Variants in WWOX observed in about 807,000 individuals in gnomAD.
The protein encoded by WWOX is WW domain containing oxidoreductase.
In WWOX, 69 loss-of-function variants were observed where a neutral mutation model predicts 46.2. The ratio of observed to expected loss-of-function variants is 1.49; its 90% CI spans 1.23 to 1.82. The LOEUF is 1.82. Ranked by LOEUF, WWOX falls within the 40% of genes most tolerant of loss-of-function variation. The pLI, the probability that WWOX is intolerant of heterozygous loss-of-function variation, is 0.00. For synonymous variants in WWOX, 359 were observed against 202.6 expected, an observed-to-expected ratio of 1.77 and a Z score of -6.56; for missense variants, 919 against 542.6, an observed-to-expected ratio of 1.69 and a Z score of -6.89.
chr16:78,909,786 G>C (rs1222764554), intron 8 of WWOX, among the ~76,000 whole-genome samples: 1 of 152,210 alleles, frequency 6.6e-6, no homozygotes. Flanking sequence ...TCCAAATGTA[G>C]AGGGTCAGGA....
intron 8 of WWOX, among the ~76,000 whole-genome samples, chr16:78,630,783 A>T (rs1400762643): frequency 6.6e-6 from 1 of 152,162 alleles, no homozygotes; most frequent in Non-Finnish European, 1.5e-5. Flanking sequence ...AGTGCCTGAC[A>T]CAGTTGTATT....
chr16:79,057,274 A>T (rs1444420625), intron 8 of WWOX, among the ~76,000 whole-genome samples: 1 of 152,202 alleles, frequency 6.6e-6, no homozygotes, highest in African/African-American at 2.4e-5. Context: ...TGTTTATTCC[A>T]GCTGATTCTC....
rs866192265 is a variant in WWOX, at chr16:79,161,319, C to T, written c.1057-50289C>T. ...TCACCTCCTAAGCCTCAGCTTATCT[C>T]TAGGATGGACGTCATTGTACTCCCT... On this transcript the variant is annotated intron_variant, in intron 8 of 8. Coordinates refer to ENST00000566780, the MANE Select transcript of WWOX (RefSeq NM_016373.4). Among the ~76,000 whole-genome samples, 10 of 152,234 alleles carry T rather than the reference C, an allele frequency of 6.6e-5. No homozygotes were observed. In the Middle Eastern group the frequency reaches 0.01, roughly 155 times the overall value.
intron 5 of WWOX, among the ~76,000 whole-genome samples, chr16:78,210,360 C>T (rs982423187): frequency 6.6e-6 from 1 of 152,194 alleles, no homozygotes; most frequent in African/African-American, 2.4e-5. Flanking sequence ...CATCATGAGA[C>T]TGTCAGTTTG....
intron 8 of WWOX, among the ~76,000 whole-genome samples, chr16:78,697,652 C>A (rs942842352): frequency 2.0e-5 from 3 of 152,136 alleles, no homozygotes; most frequent in African/African-American, 7.2e-5. Flanking sequence ...TGAAAAAATG[C>A]TCAACATCAC....
intron 8 of WWOX, among the ~76,000 whole-genome samples, chr16:78,492,045 G>T (rs2084796726): frequency 6.6e-6 from 1 of 152,108 alleles, no homozygotes; most frequent in African/African-American, 2.4e-5. Flanking sequence ...GGGGTGTGGG[G>T]GTGTGCTTTG....
chr16:78,766,757 A>C (rs546075955), intron 8 of WWOX, among the ~76,000 whole-genome samples: 31 of 152,348 alleles, frequency 2.0e-4, no homozygotes, highest in Non-Finnish European at 4.3e-4. Context: ...TTTAATGTTC[A>C]GGTTTTGTGA....
intron 8 of WWOX, among the ~76,000 whole-genome samples, chr16:78,560,367 G>C (rs1475810806): frequency 6.6e-6 from 1 of 152,206 alleles, no homozygotes; most frequent in African/African-American, 2.4e-5. Flanking sequence ...TAGTGGCCAG[G>C]TGCGGTGGCT....
At chr16:78,731,693 T>G (rs987792131) in intron 8 of WWOX, among the ~76,000 whole-genome samples, 1 of 152,148 alleles carries the variant, frequency 6.6e-6, no homozygotes, top group Non-Finnish European at 1.5e-5. Context: ...ATGATCATTA[T>G]TGACTGGAAA....
chr16:78,916,037 C>A (rs544191881), intron 8 of WWOX, among the ~76,000 whole-genome samples: 1 of 152,160 alleles, frequency 6.6e-6, no homozygotes, highest in African/African-American at 2.4e-5. Flanking sequence ...GAATTTGGAA[C>A]CATTGTCTTC....
At chr16:78,142,110 A>G (rs1321073835) in intron 4 of WWOX, among the ~76,000 whole-genome samples, 1 of 152,048 alleles carries the variant, frequency 6.6e-6, no homozygotes, top group South Asian at 2.1e-4. Context: ...TTGGTAGTCA[A>G]TAAATATAAT....
chr16:78,877,365 C>G (rs944949977), intron 8 of WWOX, among the ~76,000 whole-genome samples: 5 of 151,900 alleles, frequency 3.3e-5, no homozygotes, highest in African/African-American at 1.2e-4. Context: ...CTCAGACATG[C>G]CAGGTGTGTT....
In WWOX at chr16:78,114,956, C is replaced by G. The variant is rs768620458; in HGVS notation, c.231-20C>G. The G allele has an allele frequency of 8.7e-6, 14 of 1,613,998 alleles. No individual in the cohort carries two copies. Among genetic ancestry groups the G allele is most frequent in the Non-Finnish European group, 1.1e-5 (13 of 1,179,982 alleles). ...GCCTGTGTTCATTGCTGTGGGTTCA[C>G]TGCTTTCTCTTTTGGGCAGCCATAT... On this transcript the variant is annotated intron_variant, in intron 3 of 8. Transcript: ENST00000566780.
At chr16:79,133,932 C>G (rs868056413) in intron 8 of WWOX, among the ~76,000 whole-genome samples, 8 of 152,174 alleles carry the variant, frequency 5.3e-5, no homozygotes, top group African/African-American at 1.9e-4. Context: ...TAATATAATA[C>G]TCAGTGAATT....
At chr16:79,202,372 C>G (rs886095718) in intron 8 of WWOX, among the ~76,000 whole-genome samples, 1 of 152,046 alleles carries the variant, frequency 6.6e-6, no homozygotes, top group Non-Finnish European at 1.5e-5. Flanking sequence ...ATAAGGCACA[C>G]GGTAAAGGAA....
intron 8 of WWOX, among the ~76,000 whole-genome samples, chr16:78,660,941 A>C (rs1042301312): frequency 3.3e-5 from 5 of 152,212 alleles, no homozygotes; most frequent in African/African-American, 4.8e-5. Context: ...ATGACGGATA[A>C]TATGCCATCA....
intron 5 of WWOX, among the ~76,000 whole-genome samples, chr16:78,378,343 A>C (rs917030516): frequency 6.6e-6 from 1 of 152,164 alleles, no homozygotes; most frequent in Non-Finnish European, 1.5e-5. Flanking sequence ...AGGCTTGGCA[A>C]AGATGGGTCA....
At chr16:78,917,506 C>G (rs1340169183) in intron 8 of WWOX, among the ~76,000 whole-genome samples, 1 of 151,796 alleles carries the variant, frequency 6.6e-6, no homozygotes, top group African/African-American at 2.4e-5. Flanking sequence ...AAATTTAATT[C>G]AAGACTTCAT....
intron 8 of WWOX, among the ~76,000 whole-genome samples, chr16:78,946,738 C>T (rs572369416): frequency 4.0e-5 from 6 of 151,778 alleles, no homozygotes; most frequent in African/African-American, 1.5e-4. Flanking sequence ...TCATGCGGGC[C>T]ATATGGATGC....
Sources: gnomAD v4.1 joint callset for allele counts (sites outside exome capture counted in the v4.1 genomes callset) on GRCh38, gnomAD v4.1.1 for gene constraint, MANE v1.5 for transcripts, NCBI Gene and HGNC (gene_info 2026-07-23, HGNC 2026-07-21) for gene names.